The following KIF13B variants were observed in gnomAD, a reference collection of about 807,000 sequenced individuals.
The protein encoded by KIF13B is kinesin family member 13B.
Under a neutral mutation model 222.0 loss-of-function variants are expected in KIF13B, and 127 were observed. The ratio of observed to expected loss-of-function variants is 0.57; its 90% CI spans 0.50 to 0.66. The LOEUF (loss-of-function observed/expected upper bound fraction) is 0.66, where lower values mean the gene tolerates loss of function less well. Ranked by LOEUF, KIF13B falls within the 30% of genes least tolerant of loss-of-function variation. The pLI is 0.00. For synonymous variants in KIF13B, 976 were observed against 919.0 expected, an observed-to-expected ratio of 1.06 and a Z score of -1.12; for missense variants, 2,173 against 2,379.0, an observed-to-expected ratio of 0.91 and a Z score of 1.80.
chr8:29,100,795 T>A (rs1387792335), intron 35 of KIF13B, among the ~76,000 whole-genome samples: 1 of 152,124 alleles, frequency 6.6e-6, no homozygotes, highest in African/African-American at 2.4e-5. Context: ...GGACAGTGAG[T>A]TCTCCACTGC....
At chr8:29,227,686 C>A (rs1415239422) in intron 2 of KIF13B, among the ~76,000 whole-genome samples, 3 of 152,184 alleles carry the variant, frequency 2.0e-5, no homozygotes, top group Non-Finnish European at 4.4e-5. Flanking sequence ...CAGCGGCTCA[C>A]GCCTGTAATC....
chr8:29,072,164 G>T lies in KIF13B; in HGVS notation c.4674C>A (p.Pro1558=). Residue 1558 remains proline (P), a synonymous_variant, in exon 39 of 40, where the codon CCC becomes CCA. Coordinates refer to ENST00000524189, the MANE Select transcript of KIF13B (RefSeq NM_015254.4). The part of the protein sequence containing the change: ...TPAPEAQDGP[P]SPLSEASSGY... ...CGCTAGAGGCTTCACTCAGGGGGCTGGGGGGCCCGTCCTGTGCCTCCGGAG... is the reference window on the plus strand; with the variant it reads ...CGCTAGAGGCTTCACTCAGGGGGCTTGGGGGCCCGTCCTGTGCCTCCGGAG... 1 of 1,420,902 alleles carries T rather than the reference G, an allele frequency of 7.0e-7. No homozygotes were observed. The highest frequency in any genetic ancestry group is 2.8e-5 in the East Asian group (1 of 35,716). The allele number at this position is 1,420,902 out of a possible 1,614,324, so 88.0% of individuals were successfully genotyped here.
At chr8:29,228,371 G>A (rs1324643288) in intron 2 of KIF13B, among the ~76,000 whole-genome samples, 1 of 151,068 alleles carries the variant, frequency 6.6e-6, no homozygotes, top group Non-Finnish European at 1.5e-5. Context: ...GGAGGCTGAG[G>A]CAAGAGAATA....
At chr8:29,074,248 T>C (rs948221361) in intron 38 of KIF13B, among the ~76,000 whole-genome samples, 1 of 152,316 alleles carries the variant, frequency 6.6e-6, no homozygotes, top group Admixed American at 6.5e-5. Context: ...GGAAGGATCA[T>C]GGCATTATTC....
chr8:29,261,819 G>A (rs1020351343), intron 1 of KIF13B, among the ~76,000 whole-genome samples: 1 of 151,956 alleles, frequency 6.6e-6, no homozygotes, highest in African/African-American at 2.4e-5. Flanking sequence ...AACTCCAAGC[G>A]AGAAACCAAT....
At chr8:29,186,922 T>C (rs937922068) in intron 5 of KIF13B, among the ~76,000 whole-genome samples, 5 of 150,714 alleles carry the variant, frequency 3.3e-5, no homozygotes, top group African/African-American at 1.2e-4. Context: ...TGAGCCGAGA[T>C]TGCGCCACTG....
chr8:29,160,793 G>T lies in KIF13B; in HGVS notation c.1344C>A (p.Cys448Ter). ...SSGIKVGDDK[C>*]FLVNLNADPA... The stretch of plus-strand genomic sequence containing the variant: ...GGTCAGCATTCAGATTCACAAGGAA[G>T]CATTTATCATCCCCAACTTTGATTC... The change falls in exon 13 of 40, where the codon TGC becomes TGA. Residue 448 changes from cysteine (C) to a stop codon, truncating the protein, a stop_gained. Coordinates refer to ENST00000524189, the MANE Select transcript of KIF13B (RefSeq NM_015254.4). LOFTEE classifies it high-confidence loss of function. 1 of 1,613,444 alleles carries T rather than the reference G, an allele frequency of 6.2e-7. No individual in the cohort carries two copies. The highest frequency in any genetic ancestry group is 1.1e-5 in the South Asian group (1 of 91,056).
chr8:29,072,326 G>A lies in KIF13B; in HGVS notation c.4522-10C>T. On this transcript the variant is annotated splice_polypyrimidine_tract_variant and intron_variant, in intron 38 of 39. Coordinates refer to ENST00000524189, the MANE Select transcript of KIF13B (RefSeq NM_015254.4). ...CCATCTCCGGCTGAGCCTGCAGCAGGACGGGGAAGCAGGGGCTGAGAACAG... is the reference window on the plus strand; with the variant it reads ...CCATCTCCGGCTGAGCCTGCAGCAGAACGGGGAAGCAGGGGCTGAGAACAG... 2 of 1,399,130 alleles carry A rather than the reference G, an allele frequency of 1.4e-6. No homozygotes were observed. The highest frequency in any genetic ancestry group is 1.8e-5 in the South Asian group (1 of 56,956). 86.7% of individuals were successfully genotyped at this position (1,399,130 alleles called of 1,614,324 possible).
chr8:29,197,336 CAAAAAAA>C (rs71222598), intron 2 of KIF13B, among the ~76,000 whole-genome samples: 4 of 57,770 alleles, frequency 6.9e-5, no homozygotes, highest in South Asian at 1.9e-3. Flanking sequence ...GACTCCGTCT[CAAAAAAA>C]AAAAAAAAAA....
Position 29,176,066 on chromosome 8 carries a change from A to C in KIF13B, c.945+2T>G. On this transcript the variant is annotated splice_donor_variant, in intron 10 of 39. Transcript: ENST00000524189. LOFTEE classifies it high-confidence loss of function. ...CCAGGAAGGGAAAAAAAACAAACTT[A>C]CTTTGAGCAGCCAAGTGAGAACTGA... The C allele has an allele frequency of 6.3e-7, 1 of 1,593,778 alleles. No homozygotes were observed. The highest frequency in any genetic ancestry group is 2.2e-5 in the East Asian group (1 of 44,756).
At chr8:29,177,660 G>T in intron 8 of KIF13B, 82 bp from the exon 9 acceptor site, 1 of 919,220 alleles carries the variant, frequency 1.1e-6, no homozygotes, top group South Asian at 1.3e-5. Flanking sequence ...CCAGCACTTT[G>T]GGAGGACAAG....
intron 37 of KIF13B, among the ~76,000 whole-genome samples, chr8:29,090,084 A>G (rs1808225641): frequency 6.6e-6 from 1 of 152,102 alleles, no homozygotes; most frequent in African/African-American, 2.4e-5. Context: ...GAGCTCTTAG[A>G]CTGAAGGCGC....
At chr8:29,224,489 T>C (rs1212553736) in intron 2 of KIF13B, among the ~76,000 whole-genome samples, 2 of 152,238 alleles carry the variant, frequency 1.3e-5, no homozygotes, top group Non-Finnish European at 1.5e-5. Flanking sequence ...AAGATATTTG[T>C]AACAATGAGA....
rs569393552 is a variant in KIF13B, at chr8:29,155,666, T to C, written c.1535+60A>G. 121 of 1,453,666 alleles carry C rather than the reference T, an allele frequency of 8.3e-5. No individual in the cohort carries two copies. The South Asian group carries it at 1.5e-3, about 17-fold the overall frequency. The allele number at this position is 1,453,666 out of a possible 1,614,324, so 90.0% of individuals were successfully genotyped here. ...AAGCAACAAAGGCCACTGTTGCCAC[T>C]AGAGTACTTTCTTCCTCTGAAAAAC... On this transcript the variant is annotated intron_variant, in intron 14 of 39. Transcript: ENST00000524189.
At chr8:29,123,963 GAGA>G in intron 27 of KIF13B, 58 bp downstream of exon 27, 4 of 1,019,542 alleles carry the variant, frequency 3.9e-6, no homozygotes, top group Non-Finnish European at 6.0e-6. Flanking sequence ...GCTACAAAGG[GAGA>G]ATAATTAATT....
chr8:29,160,719 G>C lies in KIF13B; in HGVS notation c.1404+14C>G, dbSNP rs765010442. 2 of 1,607,590 alleles carry C rather than the reference G, an allele frequency of 1.2e-6. No homozygotes were observed. The highest frequency in any genetic ancestry group is 1.7e-6 in the Non-Finnish European group (2 of 1,176,744). On this transcript the variant is annotated intron_variant, in intron 13 of 39. Transcript: ENST00000524189. Reference sequence around the variant, plus strand: ...TTTGTAACAAGAATCTAGTAGCAAAGCACATTACTTCACCTTTAAATAGTA... The same window carrying C: ...TTTGTAACAAGAATCTAGTAGCAAACCACATTACTTCACCTTTAAATAGTA...
chr8:29,146,640 A>C, intron 17 of KIF13B, 100 bp from the exon 18 acceptor site: 1 of 1,103,412 alleles, frequency 9.1e-7, no homozygotes, highest in Non-Finnish European at 1.3e-6. Context: ...CCAAAGTGTG[A>C]ATTGAGCTTT....
chr8:29,133,249 A>G (rs1810422918), intron 22 of KIF13B, among the ~76,000 whole-genome samples: 1 of 152,180 alleles, frequency 6.6e-6, no homozygotes, highest in Non-Finnish European at 1.5e-5. Context: ...GACCTCTCTG[A>G]TTTGTTTGTG....
chr8:29,157,411 A>G (rs1811582994), intron 13 of KIF13B, among the ~76,000 whole-genome samples: 1 of 151,332 alleles, frequency 6.6e-6, no homozygotes, highest in Non-Finnish European at 1.5e-5. Context: ...AAAAAAAAAA[A>G]AAAAATTGTG....
Sources: allele counts gnomAD v4.1 joint callset (sites outside exome capture counted in the v4.1 genomes callset), GRCh38; gene constraint gnomAD v4.1.1; transcripts MANE v1.5; gene names NCBI Gene and HGNC (gene_info 2026-07-23, HGNC 2026-07-21).